FRMD5: variants seen among roughly 807,000 people sequenced by gnomAD.
The protein encoded by FRMD5 is FERM domain-containing protein 5.
Under a neutral mutation model 69.0 loss-of-function variants are expected in FRMD5, and 20 were observed. The observed-to-expected ratio is 0.29, with a 90% CI of 0.20 to 0.42. The LOEUF is 0.42. Among genes scored for constraint, FRMD5 ranks in the 10% least tolerant of loss-of-function variants. The probability of loss-of-function intolerance (pLI) is 1.00; values close to 1 mark genes in which losing one functional copy is unlikely to be tolerated. For synonymous variants in FRMD5, 271 were observed against 260.1 expected (o/e 1.04, Z -0.40); for missense variants, 595 against 708.6 (o/e 0.84, Z 1.82).
chr15:43,881,346 G>T (rs112866376), intron 13 of FRMD5, among the ~76,000 whole-genome samples: 1 of 152,208 alleles, frequency 6.6e-6, no homozygotes, highest in African/African-American at 2.4e-5. Context: ...AAAGAGGGAC[G>T]GAGAGAGCCA....
chr15:44,196,295 C>G (rs1364289263), upstream of FRMD5, among the ~76,000 whole-genome samples: 1 of 151,992 alleles, frequency 6.6e-6, no homozygotes, highest in East Asian at 1.9e-4. Context: ...ATCCCCGTCT[C>G]TACTAAAAAT....
At chr15:43,980,696 C>A (rs562202083) in intron 1 of FRMD5, among the ~76,000 whole-genome samples, 1 of 152,150 alleles carries the variant, frequency 6.6e-6, no homozygotes, top group South Asian at 2.1e-4. Context: ...TTTTTTTTAT[C>A]TTAAAGCTGG....
chr15:43,966,333 C>T (rs1014683614), intron 1 of FRMD5, among the ~76,000 whole-genome samples: 9 of 151,974 alleles, frequency 5.9e-5, no homozygotes, highest in Admixed American at 2.6e-4. Flanking sequence ...GATCTCATGC[C>T]GTTGCAGTCC....
At chr15:43,888,292 G>T in intron 9 of FRMD5, 26 bp from the exon 10 acceptor site, 2 of 1,500,782 alleles carry the variant, frequency 1.3e-6, no homozygotes, top group Non-Finnish European at 1.9e-6. Context: ...CATTGATATG[G>T]CTGAGTGTGG....
At chr15:44,186,349 A>G (rs1319702481) in intron 1 of FRMD5, among the ~76,000 whole-genome samples, 9 of 152,064 alleles carry the variant, frequency 5.9e-5, no homozygotes, top group Admixed American at 5.2e-4. Context: ...CAACTTTTCC[A>G]CTCAGTATCC....
intron 1 of FRMD5, among the ~76,000 whole-genome samples, chr15:44,188,122 C>G (rs1267608224): frequency 6.6e-6 from 1 of 151,978 alleles, no homozygotes; most frequent in Non-Finnish European, 1.5e-5. Context: ...AAGTTGTGAA[C>G]AAAATTTATT....
At chr15:43,970,202 A>G (rs766033239) in intron 1 of FRMD5, among the ~76,000 whole-genome samples, 1 of 152,230 alleles carries the variant, frequency 6.6e-6, no homozygotes, top group African/African-American at 2.4e-5. Context: ...AAACATCAGA[A>G]GACAACCCAG....
intron 1 of FRMD5, among the ~76,000 whole-genome samples, chr15:44,154,976 T>TAC (rs978854512): frequency 1.6e-4 from 24 of 152,232 alleles, no homozygotes; most frequent in African/African-American, 5.5e-4. Context: ...GAAAAATAGG[T>TAC]ACTTCACTAA....
intron 1 of FRMD5, among the ~76,000 whole-genome samples, chr15:44,163,127 T>C (rs1057150118): frequency 6.6e-5 from 10 of 152,262 alleles, no homozygotes; most frequent in African/African-American, 2.4e-4. Flanking sequence ...TGAGCCGAGA[T>C]TGCGCCACTG....
intron 1 of FRMD5, among the ~76,000 whole-genome samples, chr15:44,105,279 G>A (rs1231512832): frequency 6.6e-6 from 1 of 151,980 alleles, no homozygotes; most frequent in Non-Finnish European, 1.5e-5. Context: ...GTTTTGCCAT[G>A]TTGCCTAGGC....
At chr15:43,905,749 C>T (rs887498607) in intron 6 of FRMD5, 79 bp downstream of exon 6, 2 of 1,569,506 alleles carry the variant, frequency 1.3e-6, no homozygotes, top group African/African-American at 1.4e-5. Context: ...TCTGCGAGAA[C>T]AGAGGACACG....
chr15:44,048,867 C>T (rs904665075), intron 1 of FRMD5, among the ~76,000 whole-genome samples: 12 of 151,180 alleles, frequency 7.9e-5, no homozygotes, highest in African/African-American at 2.4e-4. Flanking sequence ...CCACCATGCC[C>T]GGCCTCATTA....
chr15:44,194,941 C>G lies in FRMD5; in HGVS notation c.102+12G>C, dbSNP rs1337831413. ...GGGTCCCGCGGGCGGGGCGGGGCGG[C>G]GCGGCGCTGACCTGGATGGTGCAGG... On this transcript the variant is annotated intron_variant, in intron 1 of 13. Transcript: ENST00000417257. The G allele has an allele frequency of 2.0e-6, 3 of 1,514,210 alleles. No individual in the cohort carries two copies. The highest frequency in any genetic ancestry group is 2.8e-5 in the African/African-American group (2 of 70,274). The allele number at this position is 1,514,210 out of a possible 1,614,324, so 93.8% of individuals were successfully genotyped here. A position where few individuals can be genotyped will look rare whatever the true frequency, so the allele number is the denominator to read the frequency against.
intron 1 of FRMD5, among the ~76,000 whole-genome samples, chr15:44,079,086 A>G (rs1893890722): frequency 6.6e-6 from 1 of 152,180 alleles, no homozygotes; most frequent in Non-Finnish European, 1.5e-5. Flanking sequence ...AAACATCCCA[A>G]TTAAAAAATA....
At chr15:43,965,183 T>A (rs1398948461) in intron 1 of FRMD5, among the ~76,000 whole-genome samples, 3 of 152,200 alleles carry the variant, frequency 2.0e-5, no homozygotes, top group Non-Finnish European at 4.4e-5. Context: ...GAGGCAGGGC[T>A]TGAAGGAACG....
At chr15:43,913,536 C>A (rs1359303434) in intron 4 of FRMD5, among the ~76,000 whole-genome samples, 2 of 152,220 alleles carry the variant, frequency 1.3e-5, no homozygotes, top group East Asian at 3.8e-4. Flanking sequence ...ATATATTCCA[C>A]ATGACTCATA....
chr15:44,075,088 C>G (rs755863117), intron 1 of FRMD5, among the ~76,000 whole-genome samples: 6 of 152,098 alleles, frequency 3.9e-5, no homozygotes, highest in Non-Finnish European at 5.9e-5. Flanking sequence ...TTACTTGGCT[C>G]TGAATAGTAT....
chr15:43,973,199 T>C (rs1192905467), intron 1 of FRMD5, among the ~76,000 whole-genome samples: 2 of 152,028 alleles, frequency 1.3e-5, no homozygotes, highest in Non-Finnish European at 2.9e-5. Flanking sequence ...ATTTTTTGTA[T>C]TTTTAGTAGA....
In FRMD5 at chr15:43,874,310, C is replaced by T. The variant is rs754227679; in HGVS notation, c.1288G>A (p.Val430Met). 3.4e-5 allele frequency: 55 copies of T among 1,614,226 alleles called. 1 individual carries two copies. The highest frequency in any genetic ancestry group is 3.3e-4 in the Middle Eastern group (2 of 6,062). The part of the protein sequence containing the change: ...ADEAYSPADS[V>M]LPTPVAEHSL... ...TGCTCAGCCACAGGGGTGGGCAGCA[C>T]GCTGTCTGCAGGGCTGTAGGCCTCG... Residue 430 changes from valine to methionine, a missense_variant, in exon 14 of 14, where the codon GTG (valine) becomes ATG (methionine). This residue lies in a region of FRMD5 where 245 missense variants were observed against 227.1 expected (regional missense o/e 1.08). Transcript: ENST00000417257.
Sources: gnomAD v4.1 joint callset for allele counts (sites outside exome capture counted in the v4.1 genomes callset) on GRCh38, gnomAD v4.1.1 for gene constraint, gnomAD v4.1.1 regional missense constraint, MANE v1.5 for transcripts, NCBI Gene and HGNC (gene_info 2026-07-23, HGNC 2026-07-21) for gene names.